Variants in SLMAP observed in about 807,000 individuals in gnomAD.
The protein encoded by SLMAP is sarcolemma associated protein.
A neutral mutation model predicts 128.8 loss-of-function variants in SLMAP; 44 were observed. That is an observed-to-expected ratio of 0.34 (90% confidence interval 0.27 to 0.44). The LOEUF is 0.44. SLMAP is among the 20% of genes least tolerant of loss of function. SLMAP has a pLI of 1.00. For synonymous variants in SLMAP, 327 were observed against 348.8 expected (o/e 0.94, Z 0.70); for missense variants, 787 against 985.3 (o/e 0.80, Z 2.69).
At chr3:57,896,824 G>T in intron 16 of SLMAP, 49 bp from the exon 17 acceptor site, 2 of 1,539,602 alleles carry the variant, frequency 1.3e-6, no homozygotes, top group Non-Finnish European at 8.7e-7. Flanking sequence ...CTTGCTGATA[G>T]ATCTGAATAC....
rs938952142 is a variant in SLMAP, at chr3:57,812,825, C to G, written c.199-18558C>G. Among the ~76,000 whole-genome samples the G allele has an allele frequency of 4.8e-4, 72 of 149,936 alleles. 4 individuals are homozygous for G. The highest frequency in any genetic ancestry group is 1.9e-3 in the South Asian group (9 of 4,744). On this transcript the variant is annotated intron_variant, in intron 2 of 24. Transcript: ENST00000671191. ...CATTAAAAATTTTTTTAAATTTTTC[C>G]TTTTTTTTTCTTAACCCCTTTCCCA...
intron 14 of SLMAP, among the ~76,000 whole-genome samples, chr3:57,880,433 C>G (rs979312456): frequency 6.6e-6 from 1 of 152,030 alleles, no homozygotes; most frequent in African/African-American, 2.4e-5. Flanking sequence ...GAACTCCTGA[C>G]CTCAGGTGAT....
chr3:57,841,371 A>G lies in SLMAP; in HGVS notation c.419A>G (p.Asp140Gly). The G allele has an allele frequency of 6.3e-7, 1 of 1,596,160 alleles. No individual in the cohort carries two copies. The highest frequency in any genetic ancestry group is 8.6e-7 in the Non-Finnish European group (1 of 1,166,022). ...GGTATGGAAGCCCGGCTCCGCTCAGAGTGAGTATAATTTAGTACTGTGAAG... is the reference window on the plus strand; with the variant it reads ...GGTATGGAAGCCCGGCTCCGCTCAGGGTGAGTATAATTTAGTACTGTGAAG... ...PDGMEARLRS[D>G]VIHAPLPSPV... is the part of the protein sequence containing the mutation. The change falls in exon 4 of 25, where the codon GAT (aspartate) becomes GGT (glycine). Residue 140 changes from aspartate (D) to glycine (G), a missense_variant and splice_region_variant. This residue lies in a region of SLMAP where 715 missense variants were observed against 843.6 expected (regional missense o/e 0.85). Transcript: ENST00000671191.
At chr3:57,785,731 A>G (rs2083955896) in intron 2 of SLMAP, among the ~76,000 whole-genome samples, 1 of 152,166 alleles carries the variant, frequency 6.6e-6, no homozygotes, top group African/African-American at 2.4e-5. Context: ...CTAAAGTGGT[A>G]TTATTGAGGT....
chr3:57,902,805 A>G (rs2096424495), intron 17 of SLMAP, among the ~76,000 whole-genome samples: 1 of 152,214 alleles, frequency 6.6e-6, no homozygotes, highest in Non-Finnish European at 1.5e-5. Flanking sequence ...CATGCTAAAC[A>G]GGAAGAGTGA....
chr3:57,921,685 A>T (rs2096922144), intron 22 of SLMAP, among the ~76,000 whole-genome samples: 1 of 152,144 alleles, frequency 6.6e-6, no homozygotes, highest in South Asian at 2.1e-4. Flanking sequence ...TTTTAAAATG[A>T]CTTAGTTGAT....
intron 2 of SLMAP, among the ~76,000 whole-genome samples, chr3:57,797,388 G>T (rs1053955676): frequency 3.3e-5 from 5 of 151,784 alleles, no homozygotes; most frequent in African/African-American, 4.8e-5. Flanking sequence ...GGAGCCTGAG[G>T]CAGGAGAATC....
chr3:57,868,097 T>TA (rs1233048838), intron 13 of SLMAP, among the ~76,000 whole-genome samples: 2 of 151,240 alleles, frequency 1.3e-5, no homozygotes, highest in African/African-American at 2.4e-5. Flanking sequence ...CCCATCTCTA[T>TA]AAAAAAATTA....
At chr3:57,842,517 T>C (rs1181351041) in intron 4 of SLMAP, among the ~76,000 whole-genome samples, 1 of 152,176 alleles carries the variant, frequency 6.6e-6, no homozygotes, top group Non-Finnish European at 1.5e-5. Context: ...TAACTATTAA[T>C]CAACTAATGA....
At chr3:57,908,406 T>C (rs905766681) in intron 18 of SLMAP, among the ~76,000 whole-genome samples, 4 of 152,222 alleles carry the variant, frequency 2.6e-5, no homozygotes, top group Non-Finnish European at 5.9e-5. Context: ...TGCAGTTCCC[T>C]AGAGCTTACA....
intron 2 of SLMAP, among the ~76,000 whole-genome samples, chr3:57,784,547 G>A (rs143295401): frequency 1.3e-5 from 2 of 152,258 alleles, no homozygotes; most frequent in African/African-American, 4.8e-5. Context: ...GCTCACACTT[G>A]GAGGGAATAT....
At chr3:57,890,833 CAT>C (rs1270839824) in intron 15 of SLMAP, 2 of 152,128 alleles carry the variant, frequency 1.3e-5, no homozygotes. Context: ...CCAATTAAAA[CAT>C]TGAGTTACAA....
intron 22 of SLMAP, among the ~76,000 whole-genome samples, chr3:57,919,955 G>A (rs1179244958): frequency 6.6e-6 from 1 of 152,170 alleles, no homozygotes; most frequent in African/African-American, 2.4e-5. Flanking sequence ...TGGTTGAGCT[G>A]CCTTCCTGTG....
intron 14 of SLMAP, among the ~76,000 whole-genome samples, chr3:57,887,051 T>A (rs2095909095): frequency 2.0e-5 from 3 of 151,988 alleles, no homozygotes; most frequent in Admixed American, 1.3e-4. Context: ...AGTTGTTTTA[T>A]GTTATGTGAA....
chr3:57,818,241 C>A (rs571051560), intron 2 of SLMAP, among the ~76,000 whole-genome samples: 1 of 152,066 alleles, frequency 6.6e-6, no homozygotes, highest in East Asian at 1.9e-4. Flanking sequence ...CTGCAACCTC[C>A]GCCTCCCGGG....
intron 2 of SLMAP, among the ~76,000 whole-genome samples, chr3:57,808,318 C>G (rs764395754): frequency 2.6e-5 from 4 of 151,988 alleles, no homozygotes; most frequent in Non-Finnish European, 4.4e-5. Flanking sequence ...TTTGTTTACT[C>G]TTGCTTCTCT....
intron 14 of SLMAP, among the ~76,000 whole-genome samples, chr3:57,874,986 G>T (rs555345873): frequency 1.3e-5 from 2 of 152,074 alleles, no homozygotes; most frequent in South Asian, 4.2e-4. Flanking sequence ...TATACAAAAG[G>T]TGTTTGAAGA....
At chr3:57,829,575 C>T (rs902232005) in intron 2 of SLMAP, among the ~76,000 whole-genome samples, 4 of 152,112 alleles carry the variant, frequency 2.6e-5, no homozygotes, top group African/African-American at 9.7e-5. Context: ...CCTTATCTCC[C>T]TGGGTGAAAT....
chr3:57,774,260 T>A (rs999554146), intron 2 of SLMAP, among the ~76,000 whole-genome samples: 9 of 152,172 alleles, frequency 5.9e-5, no homozygotes, highest in African/African-American at 2.2e-4. Flanking sequence ...CCCACTTCCC[T>A]GATTTGAGAA....
Sources: allele counts gnomAD v4.1 joint callset (sites outside exome capture counted in the v4.1 genomes callset), GRCh38; gene constraint gnomAD v4.1.1; regional missense constraint gnomAD v4.1.1; transcripts MANE v1.5; gene names NCBI Gene and HGNC (gene_info 2026-07-23, HGNC 2026-07-21).